The following CAMSAP3 variants were observed in gnomAD, a reference collection of about 807,000 sequenced individuals.
The protein encoded by CAMSAP3 is calmodulin regulated spectrin associated protein family member 3.
CAMSAP3 carries 34 observed loss-of-function variants against 112.5 expected under a neutral mutation model. The observed-to-expected ratio is 0.30, with a 90% CI of 0.23 to 0.40. The LOEUF is 0.40. Ranked by LOEUF, CAMSAP3 falls within the 10% of genes least tolerant of loss-of-function variation. CAMSAP3 has a pLI of 1.00. For missense variants in CAMSAP3, 1,602 were observed against 1,770.3 expected (o/e 0.90, Z 1.71); for synonymous variants, 868 against 799.8 (o/e 1.09, Z -1.44).
At chr19:7,606,159 C>CCCCCCCCCCCCCCCCCCCA in intron 2 of CAMSAP3, 112 bp from the exon 3 acceptor site, 1 of 639,404 alleles carries the variant, frequency 1.6e-6, no homozygotes. Context: ...AAGCCCCACC[C>CCCCCCCCCCCCCCCCCCCA]CCCCCGTCAA....
chr19:7,608,105 T>C (rs767141676), intron 4 of CAMSAP3, 21 bp from the exon 5 acceptor site: 1 of 1,606,658 alleles, frequency 6.2e-7, no homozygotes, highest in Non-Finnish European at 8.5e-7. Context: ...GCCACTCACC[T>C]GACCTGGCTC....
chr19:7,596,419 C>G (rs575687428), intron 1 of CAMSAP3, among the ~76,000 whole-genome samples: 1 of 151,344 alleles, frequency 6.6e-6, no homozygotes, highest in Non-Finnish European at 1.5e-5. Flanking sequence ...GCGTCCAAGC[C>G]TCCAGGTGAG....
chr19:7,616,148 C>G (rs2030776203), intron 13 of CAMSAP3, among the ~76,000 whole-genome samples: 1 of 149,878 alleles, frequency 6.7e-6, no homozygotes, highest in African/African-American at 2.5e-5. Context: ...GATTGCACCA[C>G]TGTACTCCAG....
Position 7,615,751 on chromosome 19 carries a change from G to T in CAMSAP3, c.3112+32G>T. On this transcript the variant is annotated intron_variant, in intron 13 of 16. Transcript: ENST00000160298. This position sits in a 1 kb window ranked among gnomAD's most constrained non-coding sequence, Gnocchi z 6.5. The stretch of plus-strand genomic sequence containing the variant: ...ACCCTTGGGGGACGGGGCCTGCCCA[G>T]TGCCCTTTCCGGGGCTCACTGGGTG... The T allele has an allele frequency of 1.5e-6, 2 of 1,357,622 alleles. No individual in the cohort carries two copies. The highest frequency in any genetic ancestry group is 1.9e-6 in the Non-Finnish European group (2 of 1,060,230). The allele number at this position is 1,357,622 out of a possible 1,614,324, so 84.1% of individuals were successfully genotyped here.
rs2030800631 is a variant in CAMSAP3, at chr19:7,616,572, T to C, written c.3162T>C (p.Thr1054=). 1.2e-6 allele frequency: 2 copies of C among 1,612,728 alleles called. No homozygotes were observed. Among genetic ancestry groups the C allele is most frequent in the Non-Finnish European group, 1.7e-6 (2 of 1,179,836 alleles). The change falls in exon 14 of 17, where the codon ACT becomes ACC. Residue 1054 remains threonine, a synonymous_variant. Transcript: ENST00000160298. ...CCCAGTCCACCCTGTCACTGTCCAC[T>C]GTGGCCAACGAGGCCCACAATAACC... ...IYSQSTLSLS[T]VANEAHNNLG...
At position 7,612,887 on chromosome 19, in the gene CAMSAP3, T is replaced by C. The variant is rs1324973610; in HGVS notation, c.2394T>C (p.Leu798=). 6.2e-7 allele frequency: 1 copy of C among 1,607,728 alleles called. No individual in the cohort carries two copies. The highest frequency in any genetic ancestry group is 8.5e-7 in the Non-Finnish European group (1 of 1,178,638). Residue 798 remains leucine (L), a synonymous_variant, in exon 11 of 17, where the codon CTT becomes CTC. Coordinates refer to ENST00000160298, the MANE Select transcript of CAMSAP3 (RefSeq NM_020902.2). The part of the protein sequence containing the change: ...ELRLAPLTRV[L]TPPHDVDSLP... ...GGCTGGCACCCTTGACCAGGGTGCT[T>C]ACGCCACCCCACGACGTAGACAGCC... is the stretch of plus-strand genomic sequence containing the variant.
Position 7,615,371 on chromosome 19 carries a change from C to T in CAMSAP3, c.2811-47C>T, listed in dbSNP as rs1269574368. 3 of 1,532,192 alleles carry T rather than the reference C, an allele frequency of 2.0e-6. No individual in the cohort carries two copies. The highest frequency in any genetic ancestry group is 2.5e-5 in the East Asian group (1 of 40,560). The allele number at this position is 1,532,192 out of a possible 1,614,324, so 94.9% of individuals were successfully genotyped here. On this transcript the variant is annotated intron_variant, in intron 12 of 16. Coordinates refer to ENST00000160298, the MANE Select transcript of CAMSAP3 (RefSeq NM_020902.2). The surrounding 1 kb of genome is among the most constrained non-coding windows in gnomAD (Gnocchi z 6.5). The stretch of plus-strand genomic sequence containing the variant: ...GCCCGCTCCTTGGCCTGTCTGCCAC[C>T]GCGGACCCCGTGAGCGGTTCTGATG...
chr19:7,605,918 C>G (rs116398886), intron 2 of CAMSAP3, among the ~76,000 whole-genome samples: 23 of 145,182 alleles, frequency 1.6e-4, no homozygotes, highest in African/African-American at 5.9e-4. Flanking sequence ...TTCCCCCCAG[C>G]CCTGGCTCCT....
intron 4 of CAMSAP3, chr19:7,606,774 C>T (rs772223686): frequency 1.9e-6 from 3 of 1,613,846 alleles, no homozygotes; most frequent in Non-Finnish European, 2.5e-6. Flanking sequence ...TCTCTGGCCT[C>T]AGTGCCCTAC....
chr19:7,611,992 A>G lies in CAMSAP3; in HGVS notation c.1499A>G (p.Tyr500Cys), dbSNP rs2030517699. Residue 500 changes from tyrosine to cysteine, a missense_variant, in exon 11 of 17, where the codon TAC (tyrosine) becomes TGC (cysteine). Transcript: ENST00000160298. The surrounding 1 kb of genome is among the most constrained non-coding windows in gnomAD (Gnocchi z 6.9). ...GPSKPSLASP[Y>C]LPEGTSKPLS... ...TCCAAGCCATCCCTGGCCTCCCCCT[A>G]CCTGCCCGAGGGGACCTCCAAACCA... The G allele has an allele frequency of 3.7e-6, 6 of 1,612,462 alleles. No homozygotes were observed. The East Asian group carries it at 1.1e-4, about 30-fold the overall frequency.
rs2051295865 is a variant in CAMSAP3 at position 7,618,165 on chromosome 19, G to A, written c.*108G>A. 7.0e-6 allele frequency: 9 copies of A among 1,285,742 alleles called. No individual in the cohort carries two copies. The highest frequency in any genetic ancestry group is 9.5e-6 in the Non-Finnish European group (9 of 942,618). The allele number at this position is 1,285,742 out of a possible 1,614,324, so 79.6% of individuals were successfully genotyped here. ...CCTGTCTGTCCCCAACCGTGTCTGG[G>A]TGGGGCTGGAGTCTCCACCCTCTGA... On this transcript the variant is annotated 3_prime_UTR_variant, in exon 17 of 17. Transcript: ENST00000160298.
In CAMSAP3 at chr19:7,612,701, C is replaced by T. The variant is rs1322023816; in HGVS notation, c.2208C>T (p.Ser736=). The T allele has an allele frequency of 6.6e-6, 10 of 1,520,042 alleles. No homozygotes were observed. Among genetic ancestry groups the T allele is most frequent in the East Asian group, 4.9e-5 (2 of 40,544 alleles). 94.2% of individuals were successfully genotyped at this position (1,520,042 alleles called of 1,614,324 possible). The change falls in exon 11 of 17, where the codon TCC becomes TCT. Residue 736 remains serine (S), a synonymous_variant. Coordinates refer to ENST00000160298, the MANE Select transcript of CAMSAP3 (RefSeq NM_020902.2). The part of the protein sequence containing the change: ...RLLAPPEAPG[S]APPPAAWVIP... Reference sequence around the variant, plus strand: ...TGGCCCCGCCCGAGGCCCCCGGATCCGCCCCACCACCTGCTGCGTGGGTCA... The same window carrying T: ...TGGCCCCGCCCGAGGCCCCCGGATCTGCCCCACCACCTGCTGCGTGGGTCA...
Position 7,607,812 on chromosome 19 carries a change from T to TCC in CAMSAP3, c.622-309_622-308dup. The TCC allele has an allele frequency of 7.8e-7, 1 of 1,285,088 alleles. No individual in the cohort carries two copies. Among genetic ancestry groups the TCC allele is most frequent in the Non-Finnish European group, 1.1e-6 (1 of 947,768 alleles). The allele number at this position is 1,285,088 out of a possible 1,614,324, so 79.6% of individuals were successfully genotyped here. On this transcript the variant is annotated intron_variant, in intron 4 of 16. Coordinates refer to ENST00000160298, the MANE Select transcript of CAMSAP3 (RefSeq NM_020902.2). The surrounding 1 kb of genome is among the most constrained non-coding windows in gnomAD (Gnocchi z 4.9). Reference sequence around the variant, plus strand: ...TCCCCCTTGCTGATGGCTGCTCCTCTCCCCCCAGCACGCAATTGCCTTCTG... The same window carrying TCC: ...TCCCCCTTGCTGATGGCTGCTCCTCTCCCCCCCCAGCACGCAATTGCCTTCTG...
intron 13 of CAMSAP3, 54 bp from the exon 14 acceptor site, chr19:7,616,469 G>A: frequency 3.2e-6 from 4 of 1,267,774 alleles, no homozygotes; most frequent in Non-Finnish European, 3.5e-6. Flanking sequence ...TGGACCGGGT[G>A]TTGTGGAGGG....
At chr19:7,599,581 T>C (rs1178539878) in intron 1 of CAMSAP3, among the ~76,000 whole-genome samples, 2 of 91,062 alleles carry the variant, frequency 2.2e-5, no homozygotes, top group Non-Finnish European at 4.1e-5. Flanking sequence ...CATCCATCCA[T>C]CCATCCACCC....
rs1266824122 is a variant in CAMSAP3, at chr19:7,615,222, G to A, written c.2710G>A (p.Ala904Thr). 2 of 1,552,638 alleles carry A rather than the reference G, an allele frequency of 1.3e-6. No individual in the cohort carries two copies. The highest frequency in any genetic ancestry group is 1.7e-6 in the Non-Finnish European group (2 of 1,148,260). Residue 904 changes from alanine (A) to threonine (T), a missense_variant, in exon 12 of 17, where the codon GCC becomes ACC. This residue lies in a region of CAMSAP3 where 1,100 missense variants were observed against 1,135.7 expected (regional missense o/e 0.97). Coordinates refer to ENST00000160298, the MANE Select transcript of CAMSAP3 (RefSeq NM_020902.2). This position sits in a 1 kb window ranked among gnomAD's most constrained non-coding sequence, Gnocchi z 6.5. The stretch of plus-strand genomic sequence containing the variant: ...TGAGGACGAGATGGCCCAAAAGCGG[G>A]CCAGCCTGCTGGAGCGGCAGCAGCG... ...KPEDEMAQKR[A>T]SLLERQQRRA...
chr19:7,611,068 G>A lies in CAMSAP3; in HGVS notation c.1050-27G>A. 1 of 1,613,056 alleles carries A rather than the reference G, an allele frequency of 6.2e-7. No individual in the cohort carries two copies. The highest frequency in any genetic ancestry group is 8.5e-7 in the Non-Finnish European group (1 of 1,179,352). ...AGGCGGAGGAGGAGGTGGGGGTCCT[G>A]AGGCTGAAGTACGTCTCTCCGTACA... On this transcript the variant is annotated intron_variant, in intron 8 of 16. Transcript: ENST00000160298. This position sits in a 1 kb window ranked among gnomAD's most constrained non-coding sequence, Gnocchi z 6.9.
At chr19:7,614,358 G>GT (rs1254754095) in intron 11 of CAMSAP3, among the ~76,000 whole-genome samples, 2 of 85,670 alleles carry the variant, frequency 2.3e-5, no homozygotes, top group African/African-American at 8.6e-5. Context: ...TTTGTTTTTT[G>GT]TTTTTTGAGA....
Position 7,618,187 on chromosome 19 carries a change from C to T in CAMSAP3, c.*130C>T, listed in dbSNP as rs2030917471. On this transcript the variant is annotated 3_prime_UTR_variant, in exon 17 of 17. Coordinates refer to ENST00000160298, the MANE Select transcript of CAMSAP3 (RefSeq NM_020902.2). ...TGGGTGGGGCTGGAGTCTCCACCCT[C>T]TGACTTTGAGTCCAGTCCTGCTGTG... 3 of 1,052,882 alleles carry T rather than the reference C, an allele frequency of 2.8e-6. No homozygotes were observed. Among genetic ancestry groups the T allele is most frequent in the Non-Finnish European group, 4.0e-6 (3 of 743,480 alleles). 65.2% of individuals were successfully genotyped at this position (1,052,882 alleles called of 1,614,324 possible).
Sources: allele counts gnomAD v4.1 joint callset (sites outside exome capture counted in the v4.1 genomes callset), GRCh38; gene constraint gnomAD v4.1.1; regional missense constraint gnomAD v4.1.1; non-coding constraint Gnocchi (gnomAD v3.1); transcripts MANE v1.5; gene names NCBI Gene and HGNC (gene_info 2026-07-23, HGNC 2026-07-21).